Variants in NAPEPLD observed in about 807,000 individuals in gnomAD.
NAPEPLD encodes the protein N-acyl-phosphatidylethanolamine-hydrolyzing phospholipase D.
NAPEPLD carries 23 observed loss-of-function variants against 38.1 expected under a neutral mutation model. That is an observed-to-expected ratio of 0.60 (90% CI 0.43 to 0.86). The LOEUF is 0.86. Among genes scored for constraint, NAPEPLD ranks in the 40% least tolerant of loss-of-function variants. NAPEPLD has a pLI of 0.00. For synonymous variants in NAPEPLD, 147 were observed against 162.0 expected, an observed-to-expected ratio of 0.91 and a Z score of 0.71; for missense variants, 411 against 476.8, an observed-to-expected ratio of 0.86 and a Z score of 1.28.
intron 1 of NAPEPLD, among the ~76,000 whole-genome samples, chr7:103,138,268 A>AG (rs1810498613): frequency 6.9e-6 from 1 of 144,026 alleles, no homozygotes; most frequent in Non-Finnish European, 1.6e-5. Flanking sequence ...AAATGGGACT[A>AG]CTTTCTCTCT....
chr7:103,129,501 T>C (rs190788848), intron 1 of NAPEPLD, among the ~76,000 whole-genome samples: 10 of 152,336 alleles, frequency 6.6e-5, no homozygotes, highest in African/African-American at 2.2e-4. Context: ...TTCAGTTCCT[T>C]GAGGGAATTT....
upstream of NAPEPLD, chr7:103,149,528 A>C: frequency 8.0e-7 from 1 of 1,252,758 alleles, no homozygotes; most frequent in Non-Finnish European, 1.0e-6. Flanking sequence ...ATGACCTTCG[A>C]ATCTGACAGC....
At chr7:103,132,032 T>TAAA (rs1809057157) in intron 1 of NAPEPLD, among the ~76,000 whole-genome samples, 1 of 152,188 alleles carries the variant, frequency 6.6e-6, no homozygotes, top group Non-Finnish European at 1.5e-5. Flanking sequence ...GAGAATTGCT[T>TAAA]GAACCCAGGA....
At chr7:103,106,576 C>T (rs974721649) in intron 4 of NAPEPLD, among the ~76,000 whole-genome samples, 3 of 152,072 alleles carry the variant, frequency 2.0e-5, no homozygotes, top group South Asian at 4.1e-4. Flanking sequence ...GAGGGGCGTC[C>T]GCCACTGCTG....
rs1260316732 is a variant in NAPEPLD, at chr7:103,141,827, C to T, written c.-17+6984G>A. ...TTTGATCAGCTTCCGGATCTGCTGA[C>T]GGGAGTTGGCATTGGTGATTTCATT... On this transcript the variant is annotated intron_variant, in intron 1 of 4. Coordinates refer to ENST00000465647, the MANE Select transcript of NAPEPLD (RefSeq NM_001122838.3). The T allele has an allele frequency of 1.2e-5, 11 of 940,260 alleles. No individual in the cohort carries two copies. In the East Asian group the frequency reaches 2.2e-4, roughly 18 times the overall value. The allele number at this position is 940,260 out of a possible 1,614,324, so 58.2% of individuals were successfully genotyped here.
intron 1 of NAPEPLD, among the ~76,000 whole-genome samples, chr7:103,145,270 C>G (rs1812305342): frequency 6.6e-6 from 1 of 152,034 alleles, no homozygotes; most frequent in African/African-American, 2.4e-5. Context: ...GCTAAGAATA[C>G]CAAAAAAGTT....
intron 4 of NAPEPLD, among the ~76,000 whole-genome samples, chr7:103,105,157 CTG>C (rs1404566811): frequency 2.6e-5 from 4 of 152,162 alleles, no homozygotes; most frequent in African/African-American, 9.7e-5. Context: ...TTCTGAGTGA[CTG>C]AGAGCTCACA....
At chr7:103,104,693 G>C (rs968188303) in intron 4 of NAPEPLD, among the ~76,000 whole-genome samples, 7 of 152,058 alleles carry the variant, frequency 4.6e-5, no homozygotes, top group African/African-American at 9.7e-5. Context: ...ATGGATAGTT[G>C]ATAACAGGAA....
chr7:103,103,281 A>G lies in NAPEPLD; in HGVS notation c.*148T>C. The G allele has an allele frequency of 3.1e-6, 3 of 974,270 alleles. No individual in the cohort carries two copies. The highest frequency in any genetic ancestry group is 4.5e-6 in the Non-Finnish European group (3 of 673,264). 60.4% of individuals were successfully genotyped at this position (974,270 alleles called of 1,614,324 possible). ...CATGAGCTGATCATACTAGGAAGCAAGTTATTACACAAAACATAAAACATA... is the reference window on the plus strand; with the variant it reads ...CATGAGCTGATCATACTAGGAAGCAGGTTATTACACAAAACATAAAACATA... On this transcript the variant is annotated 3_prime_UTR_variant, in exon 5 of 5. Coordinates refer to ENST00000465647, the MANE Select transcript of NAPEPLD (RefSeq NM_001122838.3).
intron 1 of NAPEPLD, among the ~76,000 whole-genome samples, chr7:103,147,245 A>AATGCCAGTTTT (rs1812752177): frequency 1.3e-5 from 2 of 152,354 alleles, no homozygotes; most frequent in African/African-American, 4.8e-5. Context: ...GTGATATTTT[A>AATGCCAGTTTT]ATGCCAGTTT....
intron 2 of NAPEPLD, among the ~76,000 whole-genome samples, chr7:103,123,468 T>A (rs947062594): frequency 2.0e-5 from 3 of 152,224 alleles, no homozygotes; most frequent in African/African-American, 7.2e-5. Flanking sequence ...AGGGAATGAA[T>A]ATAAACTGAG....
chr7:103,148,229 G>C, intron 1 of NAPEPLD: 1 of 508,818 alleles, frequency 2.0e-6, no homozygotes, highest in Non-Finnish European at 2.5e-6. Context: ...TTATCAAGTA[G>C]CAAACATTTC....
In NAPEPLD at chr7:103,102,711, A is replaced by G. The variant is rs1802581715; in HGVS notation, c.*718T>C. The G allele has an allele frequency of 6.6e-6, 1 of 152,404 alleles. No homozygotes were observed. The highest frequency in any genetic ancestry group is 2.4e-5 in the African/African-American group (1 of 41,456). 9.4% of individuals were successfully genotyped at this position (152,404 alleles called of 1,614,324 possible). On this transcript the variant is annotated 3_prime_UTR_variant, in exon 5 of 5. Transcript: ENST00000465647. The stretch of plus-strand genomic sequence containing the variant: ...GAATATACTGTTCTTTTAAAAATTT[A>G]AGTGAATGGTGGTCATGGGTGCATT...
intron 1 of NAPEPLD, among the ~76,000 whole-genome samples, chr7:103,133,988 T>G (rs1467104230): frequency 2.0e-5 from 3 of 152,288 alleles, no homozygotes; most frequent in South Asian, 4.1e-4. Flanking sequence ...TACCATGAAT[T>G]GTAAGGCACC....
chr7:103,100,786 G>A lies in NAPEPLD; in HGVS notation c.*2643C>T, dbSNP rs781524062. On this transcript the variant is annotated 3_prime_UTR_variant, in exon 5 of 5. Coordinates refer to ENST00000465647, the MANE Select transcript of NAPEPLD (RefSeq NM_001122838.3). ...ACTTTGCACATAAACCCTTCAAAAT[G>A]TAGATAACAAATGAAAAATAAAGTG... The A allele has an allele frequency of 2.9e-4, 44 of 152,300 alleles. No homozygotes were observed. Among genetic ancestry groups the A allele is most frequent in the Non-Finnish European group, 3.8e-4 (26 of 68,006 alleles). The allele number at this position is 152,300 out of a possible 1,614,324, so 9.4% of individuals were successfully genotyped here.
chr7:103,142,485 A>G (rs60080018), intron 1 of NAPEPLD, among the ~76,000 whole-genome samples: 9,024 of 152,260 alleles, frequency 0.059, 384 homozygotes, highest in African/African-American at 0.12. Context: ...AGGCGGCTGT[A>G]ATCCCAGCTA....
chr7:103,145,352 A>G (rs554643400), intron 1 of NAPEPLD, among the ~76,000 whole-genome samples: 24 of 152,350 alleles, frequency 1.6e-4, no homozygotes, highest in Non-Finnish European at 3.1e-4. Flanking sequence ...ACCCAGCTAA[A>G]AAAGAGGCTC....
At chr7:103,109,756 G>T (rs761270670) in intron 4 of NAPEPLD, among the ~76,000 whole-genome samples, 1 of 140,952 alleles carries the variant, frequency 7.1e-6, no homozygotes, top group Admixed American at 7.7e-5. Context: ...GAGCAGAACT[G>T]AAGGAGACAG....
intron 4 of NAPEPLD, among the ~76,000 whole-genome samples, chr7:103,114,014 T>C (rs1805089639): frequency 6.6e-6 from 1 of 152,054 alleles, no homozygotes; most frequent in East Asian, 1.9e-4. Flanking sequence ...TTCTCCTGCC[T>C]CAGCCTCCCG....
Sources: gnomAD v4.1 joint callset for allele counts (sites outside exome capture counted in the v4.1 genomes callset) on GRCh38, gnomAD v4.1.1 for gene constraint, MANE v1.5 for transcripts, NCBI Gene and HGNC (gene_info 2026-07-23, HGNC 2026-07-21) for gene names.